The following PTPRT variants were observed in gnomAD, a reference collection of about 807,000 sequenced individuals.
PTPRT encodes protein tyrosine phosphatase receptor type T.
A neutral mutation model predicts 176.8 loss-of-function variants in PTPRT; 56 were observed. The ratio of observed to expected loss-of-function variants is 0.32; its 90% CI spans 0.26 to 0.40. The LOEUF is 0.40. Among genes scored for constraint, PTPRT ranks in the 10% least tolerant of loss-of-function variants. PTPRT has a pLI of 1.00. For missense variants in PTPRT, 1,540 were observed against 1,908.2 expected (o/e 0.81, Z 3.60); for synonymous variants, 783 against 739.0 (o/e 1.06, Z -0.96).
intron 5 of PTPRT, among the ~76,000 whole-genome samples, chr20:42,758,746 G>A (rs1285501910): frequency 6.6e-6 from 1 of 152,220 alleles, no homozygotes; most frequent in African/African-American, 2.4e-5. Flanking sequence ...TGTAAGAGGA[G>A]AATCTGAAGC....
intron 14 of PTPRT, among the ~76,000 whole-genome samples, chr20:42,239,670 C>T (rs1327399296): frequency 6.6e-6 from 1 of 152,066 alleles, no homozygotes; most frequent in Non-Finnish European, 1.5e-5. Flanking sequence ...GATCCATCTG[C>T]CTCAGCCTCC....
chr20:42,544,903 C>T (rs2072647118), intron 7 of PTPRT, among the ~76,000 whole-genome samples: 1 of 152,198 alleles, frequency 6.6e-6, no homozygotes, highest in Admixed American at 6.5e-5. Flanking sequence ...ATCCTCCTGC[C>T]TCAACCTGCC....
chr20:43,102,332 T>C (rs2012428827), intron 1 of PTPRT, among the ~76,000 whole-genome samples: 1 of 127,658 alleles, frequency 7.8e-6, no homozygotes, highest in South Asian at 2.4e-4. Context: ...ACACTTCCTA[T>C]GAGGAGACCC....
At chr20:42,305,237 C>T (rs949787165) in intron 12 of PTPRT, among the ~76,000 whole-genome samples, 2 of 150,816 alleles carry the variant, frequency 1.3e-5, no homozygotes, top group Non-Finnish European at 2.9e-5. Context: ...CCTGTAGTCC[C>T]AGCTACTTGG....
At chr20:42,499,683 A>T (rs1266998532) in intron 7 of PTPRT, among the ~76,000 whole-genome samples, 2 of 152,158 alleles carry the variant, frequency 1.3e-5, no homozygotes, top group African/African-American at 2.4e-5. Context: ...ATACTTAAAA[A>T]TTTTTTGATT....
chr20:42,476,502 C>T (rs887797004), intron 7 of PTPRT, among the ~76,000 whole-genome samples: 1 of 152,250 alleles, frequency 6.6e-6, no homozygotes, highest in Non-Finnish European at 1.5e-5. Flanking sequence ...CACGTGGGAA[C>T]ACAGGGACCA....
intron 6 of PTPRT, among the ~76,000 whole-genome samples, chr20:42,741,704 T>A (rs569405866): frequency 6.6e-6 from 1 of 152,206 alleles, no homozygotes; most frequent in Admixed American, 6.5e-5. Context: ...GGACTAGTAG[T>A]CAACCAAGAG....
intron 1 of PTPRT, among the ~76,000 whole-genome samples, chr20:43,163,740 T>G (rs1168322057): frequency 6.6e-6 from 1 of 152,132 alleles, no homozygotes. Context: ...ACTGGACTGG[T>G]TCCCTCAGGG....
intron 11 of PTPRT, among the ~76,000 whole-genome samples, chr20:42,318,014 C>G (rs989459426): frequency 3.9e-5 from 6 of 152,202 alleles, no homozygotes; most frequent in African/African-American, 1.4e-4. Flanking sequence ...ACCTGGGCAT[C>G]TAACTCCAAA....
intron 1 of PTPRT, among the ~76,000 whole-genome samples, chr20:43,175,634 G>A (rs1437223108): frequency 3.2e-5 from 3 of 92,852 alleles, no homozygotes; most frequent in Non-Finnish European, 7.8e-5. Context: ...GCAACAGAGC[G>A]AGACTCCGGG....
In PTPRT at chr20:42,710,600, C is replaced by T. The variant is rs575432420; in HGVS notation, c.860-32441G>A. ...TGGAAGCTGGTAAGCATCCTTCACT[C>T]TTGCACTCTGGCCTGCCACAAGGGC... On this transcript the variant is annotated intron_variant, in intron 6 of 30. Coordinates refer to ENST00000373187, the MANE Select transcript of PTPRT (RefSeq NM_007050.6). Among the ~76,000 whole-genome samples, 5 of 152,398 alleles carry T rather than the reference C, an allele frequency of 3.3e-5. No individual in the cohort carries two copies. In the East Asian group the frequency reaches 9.6e-4, roughly 29 times the overall value.
At chr20:42,898,350 A>C (rs2079340677) in intron 1 of PTPRT, among the ~76,000 whole-genome samples, 1 of 152,176 alleles carries the variant, frequency 6.6e-6, no homozygotes, top group South Asian at 2.1e-4. Context: ...CTAGGACTAC[A>C]GGCATGTACC....
intron 27 of PTPRT, among the ~76,000 whole-genome samples, chr20:42,087,428 T>A (rs567833980): frequency 2.0e-4 from 29 of 141,852 alleles, no homozygotes; most frequent in Admixed American, 5.6e-4. Context: ...TTTGTGTTTT[T>A]AGTAGAGACA....
At chr20:42,521,266 T>C (rs1054471170) in intron 7 of PTPRT, among the ~76,000 whole-genome samples, 1 of 152,242 alleles carries the variant, frequency 6.6e-6, no homozygotes, top group Non-Finnish European at 1.5e-5. Context: ...AAACTTACGA[T>C]TTAAATTTAG....
chr20:42,340,313 A>C (rs1490116608), intron 11 of PTPRT, among the ~76,000 whole-genome samples: 1 of 152,214 alleles, frequency 6.6e-6, no homozygotes, highest in Non-Finnish European at 1.5e-5. Flanking sequence ...TGCTCTGGGC[A>C]TGAATACTTA....
chr20:42,537,873 C>T (rs1568959913), intron 7 of PTPRT, among the ~76,000 whole-genome samples: 1 of 152,132 alleles, frequency 6.6e-6, no homozygotes, highest in African/African-American at 2.4e-5. Context: ...AACTAAACAA[C>T]TAGTTTAGGT....
intron 2 of PTPRT, among the ~76,000 whole-genome samples, chr20:42,821,339 A>C (rs1027488918): frequency 2.6e-5 from 4 of 152,340 alleles, no homozygotes; most frequent in South Asian, 2.1e-4. Flanking sequence ...GGTACAGAAA[A>C]GGCCTTTGAT....
At chr20:42,273,308 T>C (rs6016733) in intron 13 of PTPRT, among the ~76,000 whole-genome samples, 118,186 of 152,058 alleles carry the variant, frequency 0.78, 46,870 homozygotes, top group African/African-American at 0.94. Context: ...CTCCACCTCC[T>C]GGGTTCAAGC....
At chr20:42,748,533 C>T (rs1273665899) in intron 6 of PTPRT, among the ~76,000 whole-genome samples, 3 of 152,110 alleles carry the variant, frequency 2.0e-5, no homozygotes, top group African/African-American at 7.2e-5. Context: ...GAGGCAGGAG[C>T]CAGCAGCCTT....
Sources: allele counts gnomAD v4.1 joint callset (sites outside exome capture counted in the v4.1 genomes callset), GRCh38; gene constraint gnomAD v4.1.1; transcripts MANE v1.5; gene names NCBI Gene and HGNC (gene_info 2026-07-23, HGNC 2026-07-21).